The following RBFOX1 variants were observed in gnomAD, a reference collection of about 807,000 sequenced individuals.
RBFOX1 encodes the protein RNA binding protein fox-1 homolog 1.
A neutral mutation model predicts 57.7 loss-of-function variants in RBFOX1; 8 were observed. The ratio of observed to expected loss-of-function variants is 0.14; its 90% CI spans 0.08 to 0.25. RBFOX1 has a LOEUF of 0.25. RBFOX1 is among the 10% of genes least tolerant of loss of function. The pLI is 1.00. For synonymous variants in RBFOX1, 326 were observed against 222.4 expected (o/e 1.47, Z -4.15); for missense variants, 611 against 548.5 (o/e 1.11, Z -1.14).
chr16:5,847,322 A>G lies in RBFOX1; in HGVS notation c.319-19981A>G, dbSNP rs1440078863. Among the ~76,000 whole-genome samples the G allele has an allele frequency of 7.9e-5, 12 of 151,198 alleles. 1 individual carries two copies. The South Asian group carries it at 2.3e-3, about 30-fold the overall frequency. On this transcript the variant is annotated intron_variant, in intron 3 of 19. Transcript: ENST00000641259. The stretch of plus-strand genomic sequence containing the variant: ...AGCTTTGCATGACCTTGGGCAAGCC[A>G]TAAGAACTTCTTAGCCTCAGTTTCC...
chr16:6,489,005 G>A (rs955133679), intron 2 of RBFOX1, among the ~76,000 whole-genome samples: 3 of 152,118 alleles, frequency 2.0e-5, no homozygotes, highest in South Asian at 2.1e-4. Flanking sequence ...AAAATCAGAC[G>A]GTCCTTATTC....
chr16:5,889,227 A>T (rs2057982550), intron 4 of RBFOX1, among the ~76,000 whole-genome samples: 1 of 152,050 alleles, frequency 6.6e-6, no homozygotes, highest in Non-Finnish European at 1.5e-5. Flanking sequence ...ATTCCTCCTG[A>T]TGCTCTCCCT....
chr16:5,766,416 C>G (rs1253660189), intron 3 of RBFOX1, among the ~76,000 whole-genome samples: 4 of 152,036 alleles, frequency 2.6e-5, no homozygotes, highest in Non-Finnish European at 5.9e-5. Flanking sequence ...GAAACCTCGT[C>G]TCTACTAAAA....
intron 4 of RBFOX1, among the ~76,000 whole-genome samples, chr16:7,167,420 C>G (rs935555483): frequency 1.3e-5 from 2 of 152,010 alleles, no homozygotes; most frequent in Non-Finnish European, 2.9e-5. Context: ...CACAGAGACT[C>G]AGAGGAGAAG....
chr16:7,361,313 G>A (rs1202964066), intron 4 of RBFOX1, among the ~76,000 whole-genome samples: 2 of 152,194 alleles, frequency 1.3e-5, no homozygotes, highest in Non-Finnish European at 2.9e-5. Context: ...CTTCTAGGTG[G>A]CACTTAGAGG....
At chr16:7,191,798 C>T (rs1305828283) in intron 4 of RBFOX1, among the ~76,000 whole-genome samples, 5 of 152,150 alleles carry the variant, frequency 3.3e-5, no homozygotes, top group African/African-American at 1.2e-4. Context: ...TGGTGGACAA[C>T]TGTAAGCATA....
chr16:5,975,220 C>G (rs1301888818), intron 4 of RBFOX1, among the ~76,000 whole-genome samples: 2 of 152,106 alleles, frequency 1.3e-5, no homozygotes, highest in African/African-American at 4.8e-5. Flanking sequence ...TTGGGATGGC[C>G]CTGATAAATC....
intron 3 of RBFOX1, among the ~76,000 whole-genome samples, chr16:5,705,547 T>C (rs1254868667): frequency 1.3e-5 from 2 of 152,198 alleles, no homozygotes; most frequent in Non-Finnish European, 2.9e-5. Flanking sequence ...GAGCGAAACA[T>C]TGACATTAGT....
intron 3 of RBFOX1, among the ~76,000 whole-genome samples, chr16:6,878,760 C>A (rs369779841): frequency 6.6e-6 from 1 of 152,180 alleles, no homozygotes; most frequent in Non-Finnish European, 1.5e-5. Flanking sequence ...GTTTAAGGAC[C>A]CTGACAATCT....
At chr16:6,774,697 G>T (rs1381869634) in intron 3 of RBFOX1, among the ~76,000 whole-genome samples, 6 of 151,922 alleles carry the variant, frequency 3.9e-5, no homozygotes, top group African/African-American at 1.5e-4. Context: ...GCATTAAAAC[G>T]ATTAGTATTA....
intron 1 of RBFOX1, among the ~76,000 whole-genome samples, chr16:5,421,206 C>G (rs2067315836): frequency 6.6e-6 from 1 of 151,918 alleles, no homozygotes; most frequent in African/African-American, 2.4e-5. Flanking sequence ...TGAGGTTTCA[C>G]CATGTTGACC....
chr16:6,869,130 G>T (rs771976326), intron 3 of RBFOX1, among the ~76,000 whole-genome samples: 1 of 152,132 alleles, frequency 6.6e-6, no homozygotes, highest in East Asian at 1.9e-4. Context: ...GCCCATACTG[G>T]CTTATGCATC....
At chr16:5,418,384 G>C (rs554172039) in intron 1 of RBFOX1, among the ~76,000 whole-genome samples, 1 of 152,078 alleles carries the variant, frequency 6.6e-6, no homozygotes, top group African/African-American at 2.4e-5. Flanking sequence ...GGGGAAATAC[G>C]GAGGACCGGG....
intron 3 of RBFOX1, among the ~76,000 whole-genome samples, chr16:5,765,346 GA>G (rs1182579540): frequency 1.9e-4 from 29 of 152,210 alleles, no homozygotes; most frequent in Non-Finnish European, 8.8e-5. Context: ...TTTCCCAAGG[GA>G]AAAAAGTCAA....
intron 12 of RBFOX1, among the ~76,000 whole-genome samples, chr16:7,659,995 G>C (rs1008052733): frequency 6.6e-6 from 1 of 152,152 alleles, no homozygotes; most frequent in Non-Finnish European, 1.5e-5. Flanking sequence ...TTAAAAAATA[G>C]CGGTATTTGA....
At chr16:7,154,672 A>G (rs941974654) in intron 4 of RBFOX1, among the ~76,000 whole-genome samples, 1 of 149,872 alleles carries the variant, frequency 6.7e-6, no homozygotes, top group Non-Finnish European at 1.5e-5. Flanking sequence ...GGAAATGGCT[A>G]GACCCTCTTC....
At chr16:7,029,025 C>A (rs2041852300) in intron 3 of RBFOX1, among the ~76,000 whole-genome samples, 1 of 100,842 alleles carries the variant, frequency 9.9e-6, no homozygotes, top group Non-Finnish European at 1.9e-5. Flanking sequence ...TAATGCTAAG[C>A]ATAAAACAGA....
At chr16:7,484,395 A>G (rs1180236647) in intron 4 of RBFOX1, among the ~76,000 whole-genome samples, 1 of 152,194 alleles carries the variant, frequency 6.6e-6, no homozygotes, top group Non-Finnish European at 1.5e-5. Context: ...TTAACATTCT[A>G]GGATACCATT....
intron 1 of RBFOX1, among the ~76,000 whole-genome samples, chr16:6,178,861 C>T (rs2097037256): frequency 6.6e-6 from 1 of 152,180 alleles, no homozygotes; most frequent in Admixed American, 6.5e-5. Flanking sequence ...TACAGATTGG[C>T]ATTTTCTGTC....
Sources: allele counts gnomAD v4.1 joint callset (sites outside exome capture counted in the v4.1 genomes callset), GRCh38; gene constraint gnomAD v4.1.1; transcripts MANE v1.5; gene names NCBI Gene and HGNC (gene_info 2026-07-23, HGNC 2026-07-21).